Variants in NTM observed in about 807,000 individuals in gnomAD.
NTM encodes neurotrimin, also known as IgLON family member 2.
In NTM, 13 loss-of-function variants were observed where a neutral mutation model predicts 42.1. The observed-to-expected ratio is 0.31, with a 90% confidence interval of 0.20 to 0.49. The LOEUF (loss-of-function observed/expected upper bound fraction) is 0.49. NTM is among the 20% of genes least tolerant of loss of function. NTM has a pLI of 0.99. For synonymous variants in NTM, 187 were observed against 179.2 expected (o/e 1.04, Z -0.35); for missense variants, 373 against 452.8 (o/e 0.82, Z 1.60).
At chr11:131,408,210 C>T (rs1055573589) in intron 1 of NTM, among the ~76,000 whole-genome samples, 1 of 152,150 alleles carries the variant, frequency 6.6e-6, no homozygotes, top group African/African-American at 2.4e-5. Context: ...ACACCCTCCC[C>T]GGCCAAAAGA....
intron 1 of NTM, among the ~76,000 whole-genome samples, chr11:131,844,253 A>C (rs1349159768): frequency 6.6e-6 from 1 of 152,118 alleles, no homozygotes; most frequent in Non-Finnish European, 1.5e-5. Flanking sequence ...GATTACAGGA[A>C]TCTGCAATGT....
chr11:131,604,072 C>A (rs1404016283), intron 1 of NTM, among the ~76,000 whole-genome samples: 1 of 152,098 alleles, frequency 6.6e-6, no homozygotes, highest in Non-Finnish European at 1.5e-5. Context: ...CATATGATAA[C>A]TGTGTTTAAA....
chr11:131,572,807 T>C (rs318951), intron 1 of NTM, among the ~76,000 whole-genome samples: 82,303 of 152,006 alleles, frequency 0.54, 22,548 homozygotes, highest in South Asian at 0.69. Context: ...AGATGAAGAC[T>C]TCAGTTTCTC....
At chr11:131,615,661 C>T (rs2061857623) in intron 1 of NTM, among the ~76,000 whole-genome samples, 1 of 152,188 alleles carries the variant, frequency 6.6e-6, no homozygotes. Context: ...TGAGCCACCG[C>T]ACCCGGCCGT....
At chr11:132,098,794 A>G (rs1756351119) in intron 2 of NTM, among the ~76,000 whole-genome samples, 1 of 152,260 alleles carries the variant, frequency 6.6e-6, no homozygotes, top group South Asian at 2.1e-4. Flanking sequence ...ACAAGCAAAT[A>G]GTACCTGGAC....
intron 1 of NTM, among the ~76,000 whole-genome samples, chr11:131,839,022 G>T (rs550211250): frequency 5.3e-5 from 8 of 150,752 alleles, no homozygotes; most frequent in Non-Finnish European, 8.8e-5. Flanking sequence ...GTGCAATGGC[G>T]CAATCTCGGC....
intron 1 of NTM, among the ~76,000 whole-genome samples, chr11:131,861,613 G>A (rs2046642538): frequency 6.6e-6 from 1 of 152,116 alleles, no homozygotes; most frequent in African/African-American, 2.4e-5. Context: ...TGCTGTAAAG[G>A]TCAATTAAAT....
intron 1 of NTM, among the ~76,000 whole-genome samples, chr11:131,435,052 T>C (rs1319817004): frequency 6.6e-6 from 1 of 152,220 alleles, no homozygotes; most frequent in Non-Finnish European, 1.5e-5. Context: ...AGGGAGTCCT[T>C]TTCCCCTTTC....
intron 4 of NTM, among the ~76,000 whole-genome samples, chr11:132,232,774 T>C (rs2087892279): frequency 1.3e-5 from 2 of 151,994 alleles, no homozygotes; most frequent in South Asian, 4.1e-4. Flanking sequence ...GCCAAGAAAA[T>C]AAAAAAGGCA....
chr11:131,810,733 C>T (rs2092700785), intron 1 of NTM, among the ~76,000 whole-genome samples: 1 of 152,158 alleles, frequency 6.6e-6, no homozygotes, highest in African/African-American at 2.4e-5. Flanking sequence ...GAAGTTGCTG[C>T]TATCTCAGAC....
chr11:131,404,878 C>T (rs370079429), intron 1 of NTM, among the ~76,000 whole-genome samples: 12 of 152,146 alleles, frequency 7.9e-5, no homozygotes, highest in African/African-American at 2.4e-4. Context: ...CACAGTGATT[C>T]GCCATTGAAA....
At chr11:131,675,744 A>T (rs2071270441) in intron 1 of NTM, among the ~76,000 whole-genome samples, 1 of 152,208 alleles carries the variant, frequency 6.6e-6, no homozygotes. Flanking sequence ...GCCTTGACTT[A>T]GAAGACCCTC....
intron 3 of NTM, among the ~76,000 whole-genome samples, chr11:132,161,395 T>TAC (rs1491379312): frequency 2.1e-5 from 2 of 97,394 alleles, no homozygotes; most frequent in Non-Finnish European, 1.9e-5. Context: ...TTTTTTTTTT[T>TAC]CCCCACAAAA....
intron 1 of NTM, among the ~76,000 whole-genome samples, chr11:131,761,848 TA>T (rs1565514765): frequency 2.1e-5 from 3 of 144,780 alleles, no homozygotes; most frequent in Non-Finnish European, 3.0e-5. Context: ...AATAAATAAA[TA>T]AATAAATAAA....
intron 4 of NTM, among the ~76,000 whole-genome samples, chr11:132,232,519 C>G (rs966041785): frequency 6.6e-6 from 1 of 152,120 alleles, no homozygotes; most frequent in Non-Finnish European, 1.5e-5. Context: ...GCAGGGAATA[C>G]GGGGAAGTGA....
At chr11:131,444,247 A>G (rs1949863470) in intron 1 of NTM, among the ~76,000 whole-genome samples, 1 of 141,454 alleles carries the variant, frequency 7.1e-6, no homozygotes, top group African/African-American at 2.6e-5. Flanking sequence ...AATATGGGGG[A>G]CAGAAAGAAG....
intron 3 of NTM, among the ~76,000 whole-genome samples, chr11:132,160,870 C>G (rs1403698905): frequency 6.6e-6 from 1 of 152,150 alleles, no homozygotes; most frequent in Non-Finnish European, 1.5e-5. Flanking sequence ...CCCCCGCAGG[C>G]AGTGAGAGAA....
At chr11:132,083,590 T>C (rs961124087) in intron 2 of NTM, among the ~76,000 whole-genome samples, 2 of 152,192 alleles carry the variant, frequency 1.3e-5, no homozygotes, top group African/African-American at 4.8e-5. Context: ...CATTCTTTAC[T>C]CACCACAGGT....
chr11:131,795,384 T>C (rs1052809626), intron 1 of NTM: 12 of 984,940 alleles, frequency 1.2e-5, no homozygotes, highest in Non-Finnish European at 1.4e-5. Flanking sequence ...TAGCATCACT[T>C]AAAAAGGGAA....
Sources: gnomAD v4.1 joint callset for allele counts (sites outside exome capture counted in the v4.1 genomes callset) on GRCh38, gnomAD v4.1.1 for gene constraint, MANE v1.5 for transcripts, NCBI Gene and HGNC (gene_info 2026-07-23, HGNC 2026-07-21) for gene names.